ADI1: variants seen among roughly 807,000 people sequenced by gnomAD.
ADI1 encodes the protein acireductone dioxygenase 1.
ADI1 carries 21 observed loss-of-function variants against 18.7 expected under a neutral mutation model. That is an observed-to-expected ratio of 1.13 (90% CI 0.80 to 1.62). ADI1 has a LOEUF of 1.62. Ranked by LOEUF, ADI1 falls within the 40% of genes most tolerant of loss-of-function variation. ADI1 has a pLI of 0.00. For missense variants in ADI1, 245 were observed against 254.9 expected (o/e 0.96, Z 0.26); for synonymous variants, 90 against 100.1 (o/e 0.90, Z 0.60).
intron 2 of ADI1, among the ~76,000 whole-genome samples, chr2:3,508,486 C>T (rs575765870): frequency 1.6e-4 from 25 of 151,680 alleles, no homozygotes; most frequent in African/African-American, 4.4e-4. Flanking sequence ...AAGAAACCAT[C>T]GAAATGGATT....
At position 3,512,694 on chromosome 2, in the gene ADI1, G is replaced by A. The variant is rs79149687; in HGVS notation, c.240+1163C>T. 4.6e-3 allele frequency among the ~76,000 whole-genome samples: 707 copies of A among 152,336 alleles called. 2 individuals carry two copies. Among genetic ancestry groups the A allele is most frequent in the African/African-American group, 0.016 (680 of 41,574 alleles). On this transcript the variant is annotated intron_variant, in intron 2 of 3. Transcript: ENST00000327435. ...GGTGTCTAGGCAGAAGTCTGTTGCA[G>A]GGTAGAAACCCTCATGGAGAACCTC... is the stretch of plus-strand genomic sequence containing the variant.
At chr2:3,506,179 A>C (rs1217151773) in intron 2 of ADI1, among the ~76,000 whole-genome samples, 1 of 152,218 alleles carries the variant, frequency 6.6e-6, no homozygotes, top group Non-Finnish European at 1.5e-5. Context: ...GCACAGGCTG[A>C]CTACAAGACT....
chr2:3,517,042 G>T, intron 1 of ADI1: 1 of 660,410 alleles, frequency 1.5e-6, no homozygotes, highest in Non-Finnish European at 1.9e-6. Flanking sequence ...CACTGTTTTG[G>T]ACTGAGCCCC....
chr2:3,510,011 C>T (rs1017227928), intron 2 of ADI1, among the ~76,000 whole-genome samples: 3 of 151,966 alleles, frequency 2.0e-5, no homozygotes, highest in South Asian at 2.1e-4. Flanking sequence ...GACATGGTGG[C>T]GTATGTCTGT....
chr2:3,518,527 G>A (rs1312396159), intron 1 of ADI1, among the ~76,000 whole-genome samples: 1 of 152,200 alleles, frequency 6.6e-6, no homozygotes, highest in African/African-American at 2.4e-5. Flanking sequence ...GCCTAGCCCC[G>A]CCTTGCAAAG....
intron 2 of ADI1, among the ~76,000 whole-genome samples, chr2:3,503,152 C>A (rs916141732): frequency 5.3e-5 from 8 of 151,962 alleles, no homozygotes; most frequent in Admixed American, 5.2e-4. Flanking sequence ...CACACACGTA[C>A]ACGCTCTCAC....
intron 2 of ADI1, among the ~76,000 whole-genome samples, chr2:3,502,182 T>C (rs1166914900): frequency 2.0e-5 from 3 of 151,836 alleles, no homozygotes; most frequent in Non-Finnish European, 2.9e-5. Flanking sequence ...TGCACTACCA[T>C]ACCTGGCTAA....
chr2:3,508,951 AGGAGAGGGGAGGAGAGGAGG>A (rs1343377563), intron 2 of ADI1, among the ~76,000 whole-genome samples: 1 of 124,598 alleles, frequency 8.0e-6, no homozygotes, highest in East Asian at 2.8e-4. Flanking sequence ...AGAAAAGGAG[AGGAGAGGGGAGGAGAGGAGG>A]GGAGAGAGGG....
chr2:3,499,532 A>G (rs779249110), intron 3 of ADI1, among the ~76,000 whole-genome samples: 4 of 152,208 alleles, frequency 2.6e-5, no homozygotes, highest in African/African-American at 7.2e-5. Context: ...CTTTTAATTC[A>G]GTTTTTACTT....
chr2:3,505,852 T>G (rs1411331842), intron 2 of ADI1, among the ~76,000 whole-genome samples: 1 of 152,200 alleles, frequency 6.6e-6, no homozygotes, highest in Non-Finnish European at 1.5e-5. Context: ...ATGGGATTAG[T>G]GTCCTTATAA....
intron 2 of ADI1, among the ~76,000 whole-genome samples, chr2:3,501,820 G>A (rs776283147): frequency 2.0e-5 from 3 of 151,950 alleles, no homozygotes; most frequent in East Asian, 1.9e-4. Context: ...AAGCCACCAC[G>A]CCTGGTCTGA....
rs886780334 is a variant in ADI1, at chr2:3,500,615, G to A, written c.420+199C>T. 2.7e-5 allele frequency: 19 copies of A among 702,048 alleles called. No homozygotes were observed. The East Asian group carries it at 3.0e-4, about 11-fold the overall frequency. The allele number at this position is 702,048 out of a possible 1,614,324, so 43.5% of individuals were successfully genotyped here. A position where few individuals can be genotyped will look rare whatever the true frequency, so the allele number is the denominator to read the frequency against. On this transcript the variant is annotated intron_variant, in intron 3 of 3. Transcript: ENST00000327435. ...CACCAGGATCGCAGGCAGGGGCCACGGAGGCTGCCACGGAAGGACAGCTGT... is the reference window on the plus strand; with the variant it reads ...CACCAGGATCGCAGGCAGGGGCCACAGAGGCTGCCACGGAAGGACAGCTGT...
chr2:3,514,120 C>T, intron 1 of ADI1, 144 bp from the exon 2 acceptor site: 1 of 986,916 alleles, frequency 1.0e-6, no homozygotes, highest in Non-Finnish European at 1.4e-6. Context: ...CTCTTCATCT[C>T]CTCTAGCCAT....
intron 2 of ADI1, among the ~76,000 whole-genome samples, chr2:3,502,642 G>C (rs1009658565): frequency 6.6e-6 from 1 of 152,060 alleles, no homozygotes; most frequent in Non-Finnish European, 1.5e-5. Context: ...TAGAGACGGG[G>C]TTTCTCCATG....
chr2:3,499,260 G>A (rs151113684), intron 3 of ADI1, among the ~76,000 whole-genome samples, 178 bp from the exon 4 acceptor site: 212 of 152,336 alleles, frequency 1.4e-3, no homozygotes, highest in Non-Finnish European at 2.5e-3. Flanking sequence ...TTTGTATCAG[G>A]TGGTGCAGCT....
At chr2:3,503,695 A>C (rs1482989317) in intron 2 of ADI1, among the ~76,000 whole-genome samples, 1 of 152,242 alleles carries the variant, frequency 6.6e-6, no homozygotes, top group Admixed American at 6.5e-5. Context: ...AAGGTCAGGA[A>C]AAGCAGGAGG....
intron 2 of ADI1, among the ~76,000 whole-genome samples, chr2:3,504,493 C>T (rs769334354): frequency 1.1e-4 from 17 of 152,224 alleles, no homozygotes; most frequent in Non-Finnish European, 2.2e-4. Context: ...TTACATCCAC[C>T]AGAATCTAAT....
At chr2:3,511,494 C>T (rs1667293359) in intron 2 of ADI1, among the ~76,000 whole-genome samples, 1 of 152,168 alleles carries the variant, frequency 6.6e-6, no homozygotes, top group South Asian at 2.1e-4. Context: ...CCTGAGGCCT[C>T]CCCAGAAGCA....
chr2:3,513,643 G>A (rs1667338942), intron 2 of ADI1, among the ~76,000 whole-genome samples: 1 of 152,158 alleles, frequency 6.6e-6, no homozygotes, highest in Admixed American at 6.5e-5. Flanking sequence ...GAAGCAGATG[G>A]TGGTGACAGG....
Sources: allele counts gnomAD v4.1 joint callset (sites outside exome capture counted in the v4.1 genomes callset), GRCh38; gene constraint gnomAD v4.1.1; transcripts MANE v1.5; gene names NCBI Gene and HGNC (gene_info 2026-07-23, HGNC 2026-07-21).